The following PCP2 variants were observed in gnomAD, a reference collection of about 807,000 sequenced individuals.
PCP2 encodes Purkinje cell protein 2, also known as Purkinje cell protein 2 homolog.
PCP2 carries 21 observed loss-of-function variants against 18.3 expected under a neutral mutation model. The ratio of observed to expected loss-of-function variants is 1.14; its 90% CI spans 0.81 to 1.65. The LOEUF (loss-of-function observed/expected upper bound fraction) is 1.65. PCP2 is among the 40% of genes most tolerant of loss of function. PCP2 has a pLI of 0.00. For missense variants in PCP2, 202 were observed against 201.8 expected, an observed-to-expected ratio of 1.00 and a Z score of 0.00; for synonymous variants, 85 against 77.6, an observed-to-expected ratio of 1.10 and a Z score of -0.50.
Position 7,633,437 on chromosome 19 carries a change from C to T in PCP2, c.21G>A (p.Lys7=). 2 of 1,577,410 alleles carry T rather than the reference C, an allele frequency of 1.3e-6. No homozygotes were observed. Among genetic ancestry groups the T allele is most frequent in the Non-Finnish European group, 1.7e-6 (2 of 1,160,236 alleles). The change falls in exon 1 of 4, where the codon AAG becomes AAA. Residue 7 remains lysine (K), a synonymous_variant. Coordinates refer to ENST00000311069, the MANE Select transcript of PCP2 (RefSeq NM_174895.3). MMDQEE[K]TEEGSGPCAE... Reference sequence around the variant, plus strand: ...CACAGGGGCCTGAGCCTTCCTCCGTCTTCTCCTCCTGATCCATCATGTCCC... The same window carrying T: ...CACAGGGGCCTGAGCCTTCCTCCGTTTTCTCCTCCTGATCCATCATGTCCC...
chr19:7,632,290 C>G lies in PCP2; in HGVS notation c.291+103G>C, dbSNP rs1274170614. ...ATCTGAAGTCAGGGCAGCGGATGGA[C>G]AGAGATGGGGCAGGCCCTGTTCCCT... On this transcript the variant is annotated intron_variant, in intron 3 of 3. Coordinates refer to ENST00000311069, the MANE Select transcript of PCP2 (RefSeq NM_174895.3). The surrounding 1 kb of genome is among the most constrained non-coding windows in gnomAD (Gnocchi z 5.2). 1.3e-6 allele frequency: 2 copies of G among 1,528,836 alleles called. No individual in the cohort carries two copies. The highest frequency in any genetic ancestry group is 2.7e-5 in the African/African-American group (2 of 73,612). The allele number at this position is 1,528,836 out of a possible 1,614,324, so 94.7% of individuals were successfully genotyped here.
upstream of PCP2, chr19:7,636,883 A>AGT (rs2031556083): frequency 5.2e-6 from 2 of 382,598 alleles, no homozygotes; most frequent in Non-Finnish European, 9.3e-6. Flanking sequence ...CAAGCCAGGA[A>AGT]GTGTGTGTCT....
Position 7,631,700 on chromosome 19 carries a change from G to T in PCP2, c.400C>A (p.Gln134Lys). The change falls in exon 4 of 4, where the codon CAA becomes AAA. Residue 134 changes from glutamine (Q) to lysine (K), a missense_variant. By Grantham distance (53) the Gln-to-Lys change is moderately conservative. Transcript: ENST00000311069. ...RRNSSPQPPT[Q>K]AP ...GATGCCTCAGGCCCTCAGGGGGCTT[G>T]TGTCGGGGGCTGGGGGCTGCTGTTC... The T allele has an allele frequency of 1.4e-6, 2 of 1,455,426 alleles. No individual in the cohort carries two copies. The highest frequency in any genetic ancestry group is 1.8e-6 in the Non-Finnish European group (2 of 1,102,890). 90.2% of individuals were successfully genotyped at this position (1,455,426 alleles called of 1,614,324 possible). A position where few individuals can be genotyped will look rare whatever the true frequency, so the allele number is the denominator to read the frequency against.
At chr19:7,634,154 C>T (rs1223845308), upstream of PCP2, among the ~76,000 whole-genome samples, 5 of 152,204 alleles carry the variant, frequency 3.3e-5, no homozygotes, top group African/African-American at 1.2e-4. Flanking sequence ...TCCTCTATCA[C>T]CCTAGCCCCA....
At chr19:7,635,864 C>A (rs771330448), upstream of PCP2, among the ~76,000 whole-genome samples, 4 of 152,180 alleles carry the variant, frequency 2.6e-5, no homozygotes, top group Non-Finnish European at 5.9e-5. Flanking sequence ...CATCCTGGCA[C>A]TGGGATGGGT....
At chr19:7,634,152 C>T (rs1314740037), upstream of PCP2, among the ~76,000 whole-genome samples, 4 of 152,220 alleles carry the variant, frequency 2.6e-5, no homozygotes, top group African/African-American at 9.7e-5. Flanking sequence ...TCTCCTCTAT[C>T]ACCCTAGCCC....
intron 1 of PCP2, 199 bp from the exon 2 acceptor site, chr19:7,633,029 C>A (rs1410092418): frequency 7.0e-7 from 1 of 1,428,450 alleles, no homozygotes; most frequent in African/African-American, 1.4e-5. Flanking sequence ...GGCCCCCGCC[C>A]CAGGGGCCCT....
Position 7,632,716 on chromosome 19 carries a change from G to T in PCP2, c.166C>A (p.Gln56Lys), listed in dbSNP as rs903506353. Residue 56 changes from glutamine to lysine, a missense_variant and splice_region_variant, in exon 2 of 4, where the codon CAG becomes AAG. Gln to Lys is a moderately conservative substitution (Grantham distance 53). Transcript: ENST00000311069. This position sits in a 1 kb window ranked among gnomAD's most constrained non-coding sequence, Gnocchi z 5.2. ...QAGPGQTTKSQSDPTPEMDSL... is the reference protein window; with the variant it reads ...QAGPGQTTKSKSDPTPEMDSL... Reference sequence around the variant, plus strand: ...ACAGCACCCCCGTGCCCATGCTCACGGCTCTTGGTGGTCTGGCCCGGCCCG... The same window carrying T: ...ACAGCACCCCCGTGCCCATGCTCACTGCTCTTGGTGGTCTGGCCCGGCCCG... 2 of 1,557,124 alleles carry T rather than the reference G, an allele frequency of 1.3e-6. No individual in the cohort carries two copies. The highest frequency in any genetic ancestry group is 2.3e-5 in the South Asian group (2 of 85,730).
Position 7,632,274 on chromosome 19 carries a change from C to T in PCP2, c.291+119G>A, listed in dbSNP as rs569866397. 2.9e-5 allele frequency: 43 copies of T among 1,468,690 alleles called. No individual in the cohort carries two copies. In the Admixed American group the frequency reaches 5.0e-4, roughly 17 times the overall value. The allele number at this position is 1,468,690 out of a possible 1,614,324, so 91.0% of individuals were successfully genotyped here. On this transcript the variant is annotated intron_variant, in intron 3 of 3. Transcript: ENST00000311069. This position sits in a 1 kb window ranked among gnomAD's most constrained non-coding sequence, Gnocchi z 5.2. The stretch of plus-strand genomic sequence containing the variant: ...GGGCCTTGGTCCTCCCATCTGAAGT[C>T]AGGGCAGCGGATGGACAGAGATGGG...
Position 7,632,613 on chromosome 19 carries a change from C to T in PCP2, c.167-96G>A. On this transcript the variant is annotated intron_variant, in intron 2 of 3. Transcript: ENST00000311069. This position sits in a 1 kb window ranked among gnomAD's most constrained non-coding sequence, Gnocchi z 5.2. ...CACACAGATGCTTCAGGGTGCACAA[C>T]CACCTCCCACATCCCGTGCCCCCAG... is the stretch of plus-strand genomic sequence containing the variant. 6.3e-7 allele frequency: 1 copy of T among 1,587,800 alleles called. No homozygotes were observed. The highest frequency in any genetic ancestry group is 8.6e-7 in the Non-Finnish European group (1 of 1,168,874).
upstream of PCP2, among the ~76,000 whole-genome samples, chr19:7,635,722 G>T (rs899198343): frequency 3.9e-5 from 6 of 152,016 alleles, no homozygotes; most frequent in African/African-American, 1.4e-4. Context: ...AACAAAAATG[G>T]GGAGGAGGGA....
At chr19:7,636,281 G>T (rs2031530294), upstream of PCP2, 2 of 152,114 alleles carry the variant, frequency 1.3e-5, no homozygotes, top group Admixed American at 1.3e-4. Flanking sequence ...CCTTAAATCG[G>T]AGACCTCATT....
At chr19:7,636,999 T>C, upstream of PCP2, 3 of 869,538 alleles carry the variant, frequency 3.5e-6, no homozygotes, top group Non-Finnish European at 4.5e-6. Flanking sequence ...CTCAACTTCC[T>C]GGGCCTGGGC....
upstream of PCP2, chr19:7,636,976 T>A (rs2031559278): frequency 2.4e-5 from 15 of 620,354 alleles, no homozygotes; most frequent in Non-Finnish European, 3.0e-5. Context: ...CTGCCCGTCC[T>A]CCCCGCCAGG....
rs201277781 is a variant in PCP2, at chr19:7,632,479, T to C, written c.205A>G (p.Met69Val). The C allele has an allele frequency of 5.6e-6, 9 of 1,613,796 alleles. No individual in the cohort carries two copies. The East Asian group carries it at 1.1e-4, about 20-fold the overall frequency. Residue 69 changes from methionine (M) to valine (V), a missense_variant, in exon 3 of 4, where the codon ATG becomes GTG. By Grantham distance (21) the Met-to-Val change is conservative. Coordinates refer to ENST00000311069, the MANE Select transcript of PCP2 (RefSeq NM_174895.3). This position sits in a 1 kb window ranked among gnomAD's most constrained non-coding sequence, Gnocchi z 5.2. ...PTPEMDSLMD[M>V]LASTQGRRMD... ...CGGCGGCCCTGGGTACTGGCCAGCA[T>C]GTCCATGAGGCTGTCCATCTCGGGG...
In PCP2 at chr19:7,632,702, G is replaced by C; in HGVS notation, c.166+14C>G. 2.6e-6 allele frequency: 4 copies of C among 1,552,442 alleles called. No homozygotes were observed. Among genetic ancestry groups the C allele is most frequent in the Non-Finnish European group, 3.5e-6 (4 of 1,154,106 alleles). On this transcript the variant is annotated intron_variant, in intron 2 of 3. Coordinates refer to ENST00000311069, the MANE Select transcript of PCP2 (RefSeq NM_174895.3). This position sits in a 1 kb window ranked among gnomAD's most constrained non-coding sequence, Gnocchi z 5.2. ...TTCACGCCCCATGGACAGCACCCCCGTGCCCATGCTCACGGCTCTTGGTGG... is the reference window on the plus strand; with the variant it reads ...TTCACGCCCCATGGACAGCACCCCCCTGCCCATGCTCACGGCTCTTGGTGG...
At position 7,632,803 on chromosome 19, in the gene PCP2, A is replaced by G; in HGVS notation, c.79T>C (p.Phe27Leu). ...CCCTGCACGTGGCTCAGCAGATTGAAGAAGCCCTCCTGGTCTGGGGAGCCC... is the reference window on the plus strand; with the variant it reads ...CCCTGCACGTGGCTCAGCAGATTGAGGAAGCCCTCCTGGTCTGGGGAGCCC... ...EAGSPDQEGFFNLLSHVQGDR... is the reference protein window; with the variant it reads ...EAGSPDQEGFLNLLSHVQGDR... The change falls in exon 2 of 4, where the codon TTC (phenylalanine) becomes CTC (leucine). Residue 27 changes from phenylalanine to leucine, a missense_variant. Transcript: ENST00000311069. This position sits in a 1 kb window ranked among gnomAD's most constrained non-coding sequence, Gnocchi z 5.2. 1 of 1,560,800 alleles carries G rather than the reference A, an allele frequency of 6.4e-7. No homozygotes were observed. The highest frequency in any genetic ancestry group is 1.4e-5 in the African/African-American group (1 of 73,714).
chr19:7,635,417 G>A (rs1329083730), upstream of PCP2, among the ~76,000 whole-genome samples: 4 of 152,216 alleles, frequency 2.6e-5, no homozygotes, highest in Admixed American at 2.0e-4. Flanking sequence ...GGAAGGGGCA[G>A]GGTGCGGTGG....
chr19:7,633,718 CTG>C (rs2031431444), exon 1 of PCP2: 1 of 534,162 alleles, frequency 1.9e-6, no homozygotes, highest in Non-Finnish European at 3.3e-6. Flanking sequence ...GCAGCAATGA[CTG>C]GACCCCAGGG....
Sources: allele counts gnomAD v4.1 joint callset (sites outside exome capture counted in the v4.1 genomes callset), GRCh38; gene constraint gnomAD v4.1.1; non-coding constraint Gnocchi (gnomAD v3.1); transcripts MANE v1.5; gene names NCBI Gene and HGNC (gene_info 2026-07-23, HGNC 2026-07-21).